ADK: variants seen among roughly 807,000 people sequenced by gnomAD.
ADK encodes N6,N6-dimethyladenosine kinase.
A neutral mutation model predicts 44.7 loss-of-function variants in ADK; 24 were observed. The ratio of observed to expected loss-of-function variants is 0.54; its 90% CI spans 0.39 to 0.76. ADK has a LOEUF of 0.76. ADK is among the 30% of genes least tolerant of loss of function. The pLI is 0.00. For missense variants in ADK, 321 were observed against 425.1 expected (o/e 0.76, Z 2.15); for synonymous variants, 128 against 142.6 (o/e 0.90, Z 0.73).
chr10:74,655,739 G>T (rs1273743764), intron 9 of ADK: 2 of 485,380 alleles, frequency 4.1e-6, no homozygotes, highest in African/African-American at 3.9e-5. Context: ...AGGAATTGCT[G>T]TTCCTCCAGT....
intron 3 of ADK, among the ~76,000 whole-genome samples, chr10:74,312,477 C>T (rs1840469592): frequency 1.3e-5 from 2 of 148,644 alleles, no homozygotes; most frequent in Non-Finnish European, 3.0e-5. Context: ...AGCACCAAGA[C>T]ATTCATTTTT....
At chr10:74,567,849 C>A (rs1385902628) in intron 7 of ADK, among the ~76,000 whole-genome samples, 1 of 151,974 alleles carries the variant, frequency 6.6e-6, no homozygotes, top group East Asian at 1.9e-4. Context: ...CAGGCGCCTG[C>A]CACCACGCCC....
intron 1 of ADK, among the ~76,000 whole-genome samples, chr10:74,177,079 A>G (rs1227479316): frequency 6.6e-6 from 1 of 152,122 alleles, no homozygotes; most frequent in Non-Finnish European, 1.5e-5. Context: ...TCTGTGGCAC[A>G]TTGCGGAGTT....
chr10:74,621,853 A>C lies in ADK; in HGVS notation c.877+21360A>C, dbSNP rs914246764. ...TCAAGGTTGGGTTATAGTTTTTGTA[A>C]GACCCAGTCTACCTCTCATTTGCTT... is the stretch of plus-strand genomic sequence containing the variant. On this transcript the variant is annotated intron_variant, in intron 9 of 10. Coordinates refer to ENST00000539909, the MANE Select transcript of ADK (RefSeq NM_006721.4). Among the ~76,000 whole-genome samples the C allele has an allele frequency of 3.3e-5, 5 of 152,144 alleles. No homozygotes were observed. The East Asian group carries it at 9.6e-4, about 29-fold the overall frequency.
intron 1 of ADK, among the ~76,000 whole-genome samples, chr10:74,185,707 G>C (rs1361329075): frequency 6.6e-6 from 1 of 151,056 alleles, no homozygotes; most frequent in Non-Finnish European, 1.5e-5. Context: ...GTGGTAGCGG[G>C]CGCCTGTAGT....
In ADK at chr10:74,394,212, C is replaced by A. The variant is rs557278895; in HGVS notation, c.345C>A (p.Ile115=). 1 of 1,613,950 alleles carries A rather than the reference C, an allele frequency of 6.2e-7. No homozygotes were observed. The highest frequency in any genetic ancestry group is 8.5e-7 in the Non-Finnish European group (1 of 1,179,950). Residue 115 remains isoleucine, a synonymous_variant, in exon 5 of 11, where the codon ATC becomes ATA. Coordinates refer to ENST00000539909, the MANE Select transcript of ADK (RefSeq NM_006721.4). ...GCIGIDKFGE[I]LKRKAAEAHV... is the part of the protein sequence containing the mutation. The stretch of plus-strand genomic sequence containing the variant: ...TTGGGATAGATAAATTTGGGGAGAT[C>A]CTGAAGAGAAAAGCTGCTGAAGCCC...
At chr10:74,619,318 G>A (rs528149512) in intron 9 of ADK, among the ~76,000 whole-genome samples, 1 of 152,196 alleles carries the variant, frequency 6.6e-6, no homozygotes, top group African/African-American at 2.4e-5. Context: ...ACCTGGGCAT[G>A]GTGGCAGGTG....
At chr10:74,695,619 G>GGGTGTGTGT (rs1480624866) in intron 10 of ADK, among the ~76,000 whole-genome samples, 9 of 90,118 alleles carry the variant, frequency 1.0e-4, no homozygotes, top group East Asian at 4.6e-4. Flanking sequence ...GTATGTGTGG[G>GGGTGTGTGT]GTGTGTGTGT....
At chr10:74,604,270 C>T (rs1039457855) in intron 9 of ADK, among the ~76,000 whole-genome samples, 23 of 152,148 alleles carry the variant, frequency 1.5e-4, no homozygotes, top group Admixed American at 6.5e-4. Flanking sequence ...TCCCATTTGT[C>T]AGTTTTGACT....
At chr10:74,493,741 GA>G (rs752915652) in intron 6 of ADK, among the ~76,000 whole-genome samples, 4 of 151,944 alleles carry the variant, frequency 2.6e-5, no homozygotes, top group Non-Finnish European at 4.4e-5. Context: ...TTCAGTTGAA[GA>G]AATAGATCAT....
intron 8 of ADK, 102 bp from the exon 9 acceptor site, chr10:74,600,277 G>C: frequency 1.4e-6 from 1 of 720,932 alleles, no homozygotes; most frequent in South Asian, 1.6e-5. Context: ...TAGATATGCA[G>C]GTCTCTTATT....
At chr10:74,379,374 C>T (rs1842914007) in intron 4 of ADK, among the ~76,000 whole-genome samples, 1 of 152,228 alleles carries the variant, frequency 6.6e-6, no homozygotes, top group African/African-American at 2.4e-5. Flanking sequence ...ACTCTTCTCA[C>T]TGGTCTTGTT....
At position 74,394,172 on chromosome 10, in the gene ADK, C is replaced by A; in HGVS notation, c.305C>A (p.Thr102Lys). Residue 102 changes from threonine to lysine, a missense_variant, in exon 5 of 11, where the codon ACA becomes AAA. Thr to Lys is a moderately conservative substitution (Grantham distance 78). Transcript: ENST00000539909. The part of the protein sequence containing the change: ...WMIQQPHKAA[T>K]FFGCIGIDKF... ...ATTCAACAGCCACACAAAGCAGCAA[C>A]ATTTTTTGGATGCATTGGGATAGAT... 1 of 1,613,988 alleles carries A rather than the reference C, an allele frequency of 6.2e-7. No homozygotes were observed. The highest frequency in any genetic ancestry group is 8.5e-7 in the Non-Finnish European group (1 of 1,179,932).
At chr10:74,184,161 A>C (rs1842662530) in intron 1 of ADK, among the ~76,000 whole-genome samples, 1 of 151,918 alleles carries the variant, frequency 6.6e-6, no homozygotes, top group Admixed American at 6.6e-5. Context: ...CAGGTGATCC[A>C]CCCACCTTGG....
intron 7 of ADK, among the ~76,000 whole-genome samples, chr10:74,528,977 A>AG (rs1433497803): frequency 6.6e-6 from 1 of 152,236 alleles, no homozygotes; most frequent in African/African-American, 2.4e-5. Flanking sequence ...TGTTAAACAT[A>AG]GAATTATTAC....
intron 3 of ADK, among the ~76,000 whole-genome samples, chr10:74,241,445 G>A (rs1845202291): frequency 6.6e-6 from 1 of 151,610 alleles, no homozygotes; most frequent in South Asian, 2.1e-4. Flanking sequence ...GAGTGCAGTG[G>A]CGAGATCTCA....
chr10:74,176,716 G>GATAGCCAGGGGCCGC, intron 1 of ADK: 1 of 1,477,580 alleles, frequency 6.8e-7, no homozygotes, highest in African/African-American at 1.4e-5. Context: ...CGCCGGGCCG[G>GATAGCCAGGGGCCGC]CTAGCCAGGG....
At chr10:74,336,249 A>G (rs1841405403) in intron 4 of ADK, among the ~76,000 whole-genome samples, 1 of 152,200 alleles carries the variant, frequency 6.6e-6, no homozygotes, top group Admixed American at 6.5e-5. Flanking sequence ...TTGCTTTGGC[A>G]TATGGATATC....
Position 74,213,524 on chromosome 10 carries a change from TA to T in ADK, c.141-11005del, listed in dbSNP as rs922071614. Among the ~76,000 whole-genome samples, 27 of 106,714 alleles carry T rather than the reference TA, an allele frequency of 2.5e-4. No homozygotes were observed. In the East Asian group the frequency reaches 4.8e-3, roughly 19 times the overall value. The allele number at this position is 106,714 out of a possible 152,430, so 70.0% of individuals were successfully genotyped here. On this transcript the variant is annotated intron_variant, in intron 2 of 10. Coordinates refer to ENST00000539909, the MANE Select transcript of ADK (RefSeq NM_006721.4). ...AAAGCAACCAGTAGATGAAACTTTCTAAAAAAAAAGAAAGAGTAAAAAGTAA... is the reference window on the plus strand; with the variant it reads ...AAAGCAACCAGTAGATGAAACTTTCTAAAAAAAAGAAAGAGTAAAAAGTAA...
Sources: gnomAD v4.1 joint callset for allele counts (sites outside exome capture counted in the v4.1 genomes callset) on GRCh38, gnomAD v4.1.1 for gene constraint, MANE v1.5 for transcripts, NCBI Gene and HGNC (gene_info 2026-07-23, HGNC 2026-07-21) for gene names.